Variants in NELL2 observed in about 807,000 individuals in gnomAD.
NELL2 encodes protein kinase C-binding protein NELL2.
A neutral mutation model predicts 109.6 loss-of-function variants in NELL2; 41 were observed. That is an observed-to-expected ratio of 0.37 (90% CI 0.29 to 0.49). NELL2 has a LOEUF of 0.49. Among genes scored for constraint, NELL2 ranks in the 20% least tolerant of loss-of-function variants. The pLI, the probability that NELL2 is intolerant of heterozygous loss-of-function variation, is 0.98. For missense variants in NELL2, 900 were observed against 1,008.3 expected (o/e 0.89, Z 1.45); for synonymous variants, 355 against 344.7 (o/e 1.03, Z -0.33).
chr12:44,741,298 C>T (rs1939944509), intron 9 of NELL2, among the ~76,000 whole-genome samples: 1 of 152,092 alleles, frequency 6.6e-6, no homozygotes, highest in African/African-American at 2.4e-5. Flanking sequence ...TAAGCTGTAT[C>T]ATAACAATAC....
In NELL2 at chr12:44,817,829, T is replaced by C. The variant is rs538254303; in HGVS notation, c.185-1693A>G. Among the ~76,000 whole-genome samples the C allele has an allele frequency of 1.2e-4, 18 of 152,208 alleles. No individual in the cohort carries two copies. In the East Asian group the frequency reaches 3.3e-3, roughly 28 times the overall value. On this transcript the variant is annotated intron_variant, in intron 2 of 19. Transcript: ENST00000429094. Reference sequence around the variant, plus strand: ...AAACTCCCTATTTGCCACTGAGAAATGATCCCTCCCCACTCTCAACCCTTG... The same window carrying C: ...AAACTCCCTATTTGCCACTGAGAAACGATCCCTCCCCACTCTCAACCCTTG...
At chr12:44,707,529 G>T (rs960591094) in intron 11 of NELL2, among the ~76,000 whole-genome samples, 9 of 151,990 alleles carry the variant, frequency 5.9e-5, no homozygotes, top group Non-Finnish European at 1.3e-4. Flanking sequence ...CCATTTTTTT[G>T]CCATGAAACT....
intron 2 of NELL2, among the ~76,000 whole-genome samples, chr12:44,841,987 G>C (rs917822677): frequency 1.3e-5 from 2 of 151,068 alleles, no homozygotes; most frequent in African/African-American, 4.9e-5. Context: ...TTCTTCAAAG[G>C]AAGATAACAA....
intron 15 of NELL2, among the ~76,000 whole-genome samples, chr12:44,596,630 T>C (rs1431295999): frequency 3.3e-5 from 5 of 152,144 alleles, no homozygotes; most frequent in African/African-American, 1.2e-4. Context: ...AGAAAGGGAC[T>C]TGCTATGTTG....
At chr12:44,822,163 A>C (rs1943567264) in intron 2 of NELL2, among the ~76,000 whole-genome samples, 1 of 152,182 alleles carries the variant, frequency 6.6e-6, no homozygotes, top group South Asian at 2.1e-4. Flanking sequence ...ACAGGAACAA[A>C]CTTTGAAGCC....
intron 1 of NELL2, among the ~76,000 whole-genome samples, chr12:44,900,046 C>A (rs1945641764): frequency 6.6e-6 from 1 of 152,102 alleles, no homozygotes; most frequent in Non-Finnish European, 1.5e-5. Flanking sequence ...GGAATCAATG[C>A]AACAAGAAGA....
intron 3 of NELL2, among the ~76,000 whole-genome samples, chr12:44,802,707 C>G (rs1026771654): frequency 1.3e-5 from 2 of 151,942 alleles, no homozygotes; most frequent in Admixed American, 1.3e-4. Flanking sequence ...GTTTGTGTTA[C>G]CATTTTTTAG....
At chr12:44,524,804 G>A (rs1409804141) in intron 16 of NELL2, among the ~76,000 whole-genome samples, 2 of 151,948 alleles carry the variant, frequency 1.3e-5, no homozygotes, top group South Asian at 4.1e-4. Context: ...ACTTATTATC[G>A]TAGACTATGA....
At chr12:44,586,695 A>C (rs1800550471) in intron 15 of NELL2, among the ~76,000 whole-genome samples, 1 of 152,222 alleles carries the variant, frequency 6.6e-6, no homozygotes, top group Admixed American at 6.5e-5. Flanking sequence ...TGCCAAGTAC[A>C]ATAATAGATG....
At chr12:44,774,946 G>A in intron 8 of NELL2, 97 bp from the exon 9 acceptor site, 1 of 889,350 alleles carries the variant, frequency 1.1e-6, no homozygotes, top group South Asian at 1.6e-5. Flanking sequence ...CTCTTCATGT[G>A]AAGAGAACAG....
chr12:44,730,247 A>G (rs1031304192), intron 9 of NELL2, among the ~76,000 whole-genome samples: 3 of 152,226 alleles, frequency 2.0e-5, no homozygotes, highest in Admixed American at 1.3e-4. Flanking sequence ...CAAAAAGTCA[A>G]TAAGGAAACA....
chr12:44,773,164 T>A (rs891076679), intron 9 of NELL2, among the ~76,000 whole-genome samples: 1 of 152,078 alleles, frequency 6.6e-6, no homozygotes, highest in Non-Finnish European at 1.5e-5. Context: ...AAATTATGGA[T>A]GTAAAGAAAG....
At chr12:44,516,905 T>A (rs1314366867) in intron 19 of NELL2, among the ~76,000 whole-genome samples, 1 of 151,382 alleles carries the variant, frequency 6.6e-6, no homozygotes, top group Non-Finnish European at 1.5e-5. Flanking sequence ...TTGTGACTTT[T>A]TTTTTTTTTT....
At chr12:44,718,944 A>G (rs1216734422) in intron 9 of NELL2, among the ~76,000 whole-genome samples, 1 of 152,170 alleles carries the variant, frequency 6.6e-6, no homozygotes, top group East Asian at 1.9e-4. Context: ...CAGTCTATTC[A>G]GTTATAAGTG....
chr12:44,683,258 C>T (rs1030457918), intron 12 of NELL2, among the ~76,000 whole-genome samples: 40 of 152,106 alleles, frequency 2.6e-4, no homozygotes, highest in Non-Finnish European at 4.9e-4. Context: ...GTGATTTTTG[C>T]ACATTGATTT....
At chr12:44,588,871 T>C (rs1029406509) in intron 15 of NELL2, among the ~76,000 whole-genome samples, 1 of 152,206 alleles carries the variant, frequency 6.6e-6, no homozygotes, top group African/African-American at 2.4e-5. Flanking sequence ...TTCCCTTCCA[T>C]CCCTTGCCTT....
At chr12:44,783,254 T>C (rs994611056) in intron 3 of NELL2, among the ~76,000 whole-genome samples, 2 of 151,734 alleles carry the variant, frequency 1.3e-5, no homozygotes, top group African/African-American at 4.8e-5. Flanking sequence ...GAGAGAAATT[T>C]ATAGCACTAA....
At chr12:44,553,569 T>C (rs1419944415) in intron 15 of NELL2, among the ~76,000 whole-genome samples, 2 of 152,172 alleles carry the variant, frequency 1.3e-5, no homozygotes, top group Non-Finnish European at 2.9e-5. Context: ...GTCAAATATA[T>C]AGTGAACTAT....
chr12:44,564,305 G>T (rs755719096), intron 15 of NELL2, among the ~76,000 whole-genome samples: 10 of 152,156 alleles, frequency 6.6e-5, no homozygotes, highest in Non-Finnish European at 1.3e-4. Context: ...CAGCATTTGA[G>T]GAGATTCTTT....
Sources: gnomAD v4.1 joint callset for allele counts (sites outside exome capture counted in the v4.1 genomes callset) on GRCh38, gnomAD v4.1.1 for gene constraint, MANE v1.5 for transcripts, NCBI Gene and HGNC (gene_info 2026-07-23, HGNC 2026-07-21) for gene names.